Variants in EYS observed in about 807,000 individuals in gnomAD.
The protein encoded by EYS is protein eyes shut homolog.
A neutral mutation model predicts 282.1 loss-of-function variants in EYS; 250 were observed. The ratio of observed to expected loss-of-function variants is 0.89; its 90% CI spans 0.80 to 0.98. The LOEUF is 0.98. Ranked by LOEUF, EYS falls within the 50% of genes least tolerant of loss-of-function variation. The pLI, the probability that EYS is intolerant of heterozygous loss-of-function variation, is 0.00. For synonymous variants in EYS, 1,355 were observed against 1,282.9 expected, an observed-to-expected ratio of 1.06 and a Z score of -1.20; for missense variants, 4,016 against 3,709.0, an observed-to-expected ratio of 1.08 and a Z score of -2.15.
chr6:63,924,099 G>A (rs1764648073), intron 35 of EYS, among the ~76,000 whole-genome samples: 1 of 151,816 alleles, frequency 6.6e-6, no homozygotes, highest in South Asian at 2.1e-4. Context: ...ATTCAGTGAT[G>A]GGAAGGAAAT....
intron 22 of EYS, among the ~76,000 whole-genome samples, chr6:64,747,706 C>A (rs1772604718): frequency 6.6e-6 from 1 of 152,166 alleles, no homozygotes. Context: ...GCCTTCATTT[C>A]TCTCTCTGAT....
intron 8 of EYS, among the ~76,000 whole-genome samples, chr6:65,366,807 T>C (rs1054458795): frequency 6.6e-6 from 1 of 151,624 alleles, no homozygotes; most frequent in Non-Finnish European, 1.5e-5. Context: ...GGAAATCTGT[T>C]TCTTTATCTT....
At position 64,823,026 on chromosome 6, in the gene EYS, C is replaced by A. The variant is rs28639803; in HGVS notation, c.2993-204G>T. ...CAGATTACTAATTTAATGTGAATGA[C>A]AAAAACAAAGCACAAGCTTAATCTA... is the stretch of plus-strand genomic sequence containing the variant. On this transcript the variant is annotated intron_variant, in intron 19 of 42. Transcript: ENST00000503581. Among the ~76,000 whole-genome samples, 619 of 151,950 alleles carry A rather than the reference C, an allele frequency of 4.1e-3. 4 individuals carry two copies. Among genetic ancestry groups the A allele is most frequent in the Non-Finnish European group, 7.5e-3 (506 of 67,910 alleles).
At chr6:65,399,670 C>T (rs1210903475) in intron 7 of EYS, among the ~76,000 whole-genome samples, 1 of 151,966 alleles carries the variant, frequency 6.6e-6, no homozygotes, top group African/African-American at 2.4e-5. Flanking sequence ...CAATCTAACT[C>T]AGTGGTTTGT....
At chr6:64,156,328 C>T (rs530426976) in intron 31 of EYS, among the ~76,000 whole-genome samples, 52 of 152,170 alleles carry the variant, frequency 3.4e-4, no homozygotes, top group African/African-American at 1.2e-3. Flanking sequence ...CTTTCACCTC[C>T]CACTGTGATT....
At chr6:65,696,431 T>C (rs1769459852) in intron 1 of EYS, among the ~76,000 whole-genome samples, 1 of 152,078 alleles carries the variant, frequency 6.6e-6, no homozygotes, top group Non-Finnish European at 1.5e-5. Flanking sequence ...CTGATTTTAA[T>C]CATTTATTTT....
At chr6:65,069,326 C>A (rs1442509207) in intron 12 of EYS, among the ~76,000 whole-genome samples, 1 of 151,938 alleles carries the variant, frequency 6.6e-6, no homozygotes, top group African/African-American at 2.4e-5. Flanking sequence ...TGCCAACTTC[C>A]TTTAAAGATT....
intron 22 of EYS, among the ~76,000 whole-genome samples, chr6:64,672,216 G>T (rs1332476893): frequency 2.0e-5 from 3 of 152,114 alleles, no homozygotes; most frequent in Non-Finnish European, 4.4e-5. Flanking sequence ...CCTGGCCTCT[G>T]CCCTTTTCTC....
intron 15 of EYS, among the ~76,000 whole-genome samples, chr6:64,942,500 G>A (rs535454514): frequency 1.4e-5 from 2 of 144,782 alleles, no homozygotes; most frequent in African/African-American, 2.6e-5. Context: ...AACGACAGAA[G>A]ATCCAAATAA....
chr6:65,595,061 G>A (rs1188754269), intron 2 of EYS, among the ~76,000 whole-genome samples: 2 of 151,808 alleles, frequency 1.3e-5, no homozygotes, highest in Non-Finnish European at 2.9e-5. Flanking sequence ...GTTTTGGTTA[G>A]TGTAGCCTTG....
intron 28 of EYS, among the ~76,000 whole-genome samples, chr6:64,392,909 G>T (rs962839759): frequency 2.0e-4 from 31 of 151,898 alleles, no homozygotes; most frequent in Admixed American, 5.9e-4. Context: ...AAAGAGAGAA[G>T]AATCAAATAG....
chr6:64,193,433 C>T (rs1213410529), intron 31 of EYS, among the ~76,000 whole-genome samples: 1 of 152,000 alleles, frequency 6.6e-6, no homozygotes, highest in Non-Finnish European at 1.5e-5. Context: ...GCCTCAGCCT[C>T]CCCAGTAGCT....
At chr6:64,117,955 A>G (rs1322445088) in intron 31 of EYS, among the ~76,000 whole-genome samples, 1 of 152,074 alleles carries the variant, frequency 6.6e-6, no homozygotes, top group Non-Finnish European at 1.5e-5. Context: ...TACAATAGCT[A>G]TAAAAATACC....
At chr6:64,545,591 G>C (rs1480059772) in intron 26 of EYS, among the ~76,000 whole-genome samples, 2 of 152,168 alleles carry the variant, frequency 1.3e-5, no homozygotes, top group Non-Finnish European at 2.9e-5. Context: ...GTTCTTGTTT[G>C]CAGATGACAT....
intron 22 of EYS, among the ~76,000 whole-genome samples, chr6:64,645,804 ATTG>A (rs1266845234): frequency 2.6e-5 from 4 of 152,274 alleles, no homozygotes; most frequent in South Asian, 2.1e-4. Flanking sequence ...TATTGCTATG[ATTG>A]TTGTTACTGA....
chr6:64,705,801 G>A (rs1770984683), intron 22 of EYS, among the ~76,000 whole-genome samples: 1 of 129,080 alleles, frequency 7.7e-6, no homozygotes, highest in Non-Finnish European at 1.6e-5. Flanking sequence ...CGCAGGAAGG[G>A]GAACATCACA....
At chr6:64,109,778 C>T (rs543791719) in intron 31 of EYS, among the ~76,000 whole-genome samples, 1 of 152,126 alleles carries the variant, frequency 6.6e-6, no homozygotes, top group African/African-American at 2.4e-5. Context: ...TTATCTGTAG[C>T]CCATATGACA....
At chr6:65,664,154 G>A (rs1446379796) in intron 1 of EYS, among the ~76,000 whole-genome samples, 3 of 152,148 alleles carry the variant, frequency 2.0e-5, no homozygotes, top group Admixed American at 6.5e-5. Context: ...ACAGGCATGA[G>A]CCACCGCGCC....
At chr6:64,870,704 T>C (rs1180351683) in intron 19 of EYS, among the ~76,000 whole-genome samples, 1 of 151,634 alleles carries the variant, frequency 6.6e-6, no homozygotes, top group African/African-American at 2.4e-5. Context: ...AAAGAAACTA[T>C]ATGAACAAAT....
Sources: allele counts gnomAD v4.1 joint callset (sites outside exome capture counted in the v4.1 genomes callset), GRCh38; gene constraint gnomAD v4.1.1; transcripts MANE v1.5; gene names NCBI Gene and HGNC (gene_info 2026-07-23, HGNC 2026-07-21).